UBL3: variants seen among roughly 807,000 people sequenced by gnomAD.
UBL3 encodes the protein ubiquitin like 3, also known as ubiquitin-like protein 3.
A neutral mutation model predicts 18.4 loss-of-function variants in UBL3; 6 were observed. The observed-to-expected ratio is 0.33, with a 90% CI of 0.18 to 0.64. The LOEUF (loss-of-function observed/expected upper bound fraction) is 0.64, where lower values mean the gene tolerates loss of function less well. Ranked by LOEUF, UBL3 falls within the 30% of genes least tolerant of loss-of-function variation. The probability of loss-of-function intolerance (pLI) is 0.76; values close to 1 mark genes in which losing one functional copy is unlikely to be tolerated. For synonymous variants in UBL3, 49 were observed against 46.6 expected (o/e 1.05, Z -0.21); for missense variants, 109 against 142.9 (o/e 0.76, Z 1.21).
At chr13:29,823,228 C>T (rs370071174) in intron 1 of UBL3, among the ~76,000 whole-genome samples, 7 of 152,226 alleles carry the variant, frequency 4.6e-5, no homozygotes, top group African/African-American at 1.4e-4. Context: ...CTGCAACCTC[C>T]ATCTCCCGGG....
intron 1 of UBL3, among the ~76,000 whole-genome samples, chr13:29,788,118 T>C (rs1253234058): frequency 6.6e-6 from 1 of 152,186 alleles, no homozygotes; most frequent in African/African-American, 2.4e-5. Flanking sequence ...ACCTACTATA[T>C]AGTACTTTCT....
intron 1 of UBL3, among the ~76,000 whole-genome samples, chr13:29,798,786 T>C (rs1395450311): frequency 6.6e-6 from 1 of 152,172 alleles, no homozygotes; most frequent in East Asian, 1.9e-4. Context: ...AAACTATAGA[T>C]GCGTTTAAGT....
At chr13:29,820,580 T>C (rs1310847985) in intron 1 of UBL3, among the ~76,000 whole-genome samples, 1 of 152,168 alleles carries the variant, frequency 6.6e-6, no homozygotes, top group Non-Finnish European at 1.5e-5. Context: ...ATGGTTCCTA[T>C]ATTTGAAATA....
At chr13:29,822,278 T>A (rs1878477925) in intron 1 of UBL3, among the ~76,000 whole-genome samples, 1 of 152,368 alleles carries the variant, frequency 6.6e-6, no homozygotes, top group South Asian at 2.1e-4. Flanking sequence ...AAAGGTGTTG[T>A]ATACTACAGA....
intron 1 of UBL3, among the ~76,000 whole-genome samples, chr13:29,825,253 C>G (rs1280045349): frequency 6.6e-6 from 1 of 152,164 alleles, no homozygotes; most frequent in Non-Finnish European, 1.5e-5. Context: ...TCATTGGTAG[C>G]TTGATGGGGA....
At chr13:29,783,791 A>G (rs988380382) in intron 1 of UBL3, among the ~76,000 whole-genome samples, 1 of 152,148 alleles carries the variant, frequency 6.6e-6, no homozygotes, top group African/African-American at 2.4e-5. Context: ...TTGTAGGGTA[A>G]TGGGATCCTT....
Position 29,829,107 on chromosome 13 carries a change from G to A in UBL3, c.27+20405C>T, listed in dbSNP as rs1878702082. ...CCTACTAGGGGGTGCCTCCCAGTAG[G>A]GTGCCTCCCAGTAGGCTACTAGGGG... is the stretch of plus-strand genomic sequence containing the variant. On this transcript the variant is annotated intron_variant, in intron 1 of 4. Coordinates refer to ENST00000380680, the MANE Select transcript of UBL3 (RefSeq NM_007106.4). Among the ~76,000 whole-genome samples, 4 of 152,286 alleles carry A rather than the reference G, an allele frequency of 2.6e-5. No homozygotes were observed. The South Asian group carries it at 8.3e-4, about 32-fold the overall frequency.
rs530316065 is a variant in UBL3 at position 29,779,815 on chromosome 13, C to G, written c.28-2552G>C. ...GGACTGACTCGCATCTCCCCAAAAT[C>G]TGTATTGAAGTTTTACCTCCCAAAG... On this transcript the variant is annotated intron_variant, in intron 1 of 4. Transcript: ENST00000380680. Among the ~76,000 whole-genome samples, 5 of 152,252 alleles carry G rather than the reference C, an allele frequency of 3.3e-5. No homozygotes were observed. In the South Asian group the frequency reaches 1.0e-3, roughly 32 times the overall value.
intron 1 of UBL3, among the ~76,000 whole-genome samples, chr13:29,800,658 A>T (rs1877736326): frequency 6.6e-6 from 1 of 152,270 alleles, no homozygotes; most frequent in South Asian, 2.1e-4. Flanking sequence ...AATATTATGC[A>T]GCCATAAAAA....
chr13:29,811,187 G>T (rs1268295677), intron 1 of UBL3, among the ~76,000 whole-genome samples: 3 of 152,034 alleles, frequency 2.0e-5, no homozygotes, highest in African/African-American at 2.4e-5. Context: ...GGAGGATACT[G>T]GTCCCTCGAG....
At chr13:29,782,480 A>C (rs559995296) in intron 1 of UBL3, among the ~76,000 whole-genome samples, 1 of 152,328 alleles carries the variant, frequency 6.6e-6, no homozygotes, top group South Asian at 2.1e-4. Context: ...ATAGCCTCTA[A>C]ATATGTTTGA....
At chr13:29,771,170 A>C (rs1402010266) in intron 3 of UBL3, among the ~76,000 whole-genome samples, 1 of 152,064 alleles carries the variant, frequency 6.6e-6, no homozygotes, top group African/African-American at 2.4e-5. Context: ...AATGAATGCA[A>C]ATATTCTACC....
chr13:29,831,499 A>G lies in UBL3; in HGVS notation c.27+18013T>C, dbSNP rs572379900. Among the ~76,000 whole-genome samples the G allele has an allele frequency of 2.6e-5, 4 of 152,064 alleles. No homozygotes were observed. In the South Asian group the frequency reaches 8.3e-4, roughly 32 times the overall value. On this transcript the variant is annotated intron_variant, in intron 1 of 4. Coordinates refer to ENST00000380680, the MANE Select transcript of UBL3 (RefSeq NM_007106.4). The stretch of plus-strand genomic sequence containing the variant: ...GCTATTCGGGAGGCTGAGGCAGGAG[A>G]ATCGCTTGAACCAGGGAGACGGAGG...
chr13:29,800,570 CAAT>C (rs1340502931), intron 1 of UBL3, among the ~76,000 whole-genome samples: 2 of 151,732 alleles, frequency 1.3e-5, no homozygotes, highest in African/African-American at 2.4e-5. Context: ...AAAATCCTAA[CAAT>C]GATAAAGTGT....
chr13:29,797,316 CTTAG>C (rs1199378525), intron 1 of UBL3, among the ~76,000 whole-genome samples: 1 of 152,082 alleles, frequency 6.6e-6, no homozygotes, highest in Non-Finnish European at 1.5e-5. Context: ...AAGAAGCAGG[CTTAG>C]TTAGTGACTA....
At chr13:29,773,293 T>C (rs1004193075) in intron 2 of UBL3, among the ~76,000 whole-genome samples, 2 of 152,104 alleles carry the variant, frequency 1.3e-5, no homozygotes, top group Non-Finnish European at 2.9e-5. Context: ...GAGAAATGAA[T>C]CCGTCATTTC....
intron 1 of UBL3, among the ~76,000 whole-genome samples, chr13:29,847,246 AAAC>A (rs1285836761): frequency 6.6e-6 from 1 of 152,228 alleles, no homozygotes; most frequent in Non-Finnish European, 1.5e-5. Flanking sequence ...GAACAGTAGA[AAAC>A]AAGACATAAA....
intron 1 of UBL3, among the ~76,000 whole-genome samples, chr13:29,824,840 G>T (rs1878574311): frequency 6.6e-6 from 1 of 152,154 alleles, no homozygotes. Context: ...ATGGTTTTAG[G>T]TCTAACATTT....
intron 1 of UBL3, among the ~76,000 whole-genome samples, chr13:29,811,716 C>T (rs1267118008): frequency 2.6e-5 from 4 of 152,098 alleles, no homozygotes; most frequent in Admixed American, 6.6e-5. Context: ...AAATACCTGG[C>T]TGCTTGATAA....
Sources: gnomAD v4.1 joint callset for allele counts (sites outside exome capture counted in the v4.1 genomes callset) on GRCh38, gnomAD v4.1.1 for gene constraint, MANE v1.5 for transcripts, NCBI Gene and HGNC (gene_info 2026-07-23, HGNC 2026-07-21) for gene names.